The following RAI1 variants were observed in gnomAD, a reference collection of about 807,000 sequenced individuals.
The protein encoded by RAI1 is retinoic acid-induced protein 1.
A neutral mutation model predicts 123.8 loss-of-function variants in RAI1; 9 were observed. The ratio of observed to expected loss-of-function variants is 0.07; its 90% CI spans 0.04 to 0.13. The LOEUF is 0.13. RAI1 is among the 10% of genes least tolerant of loss of function. The pLI is 1.00. For missense variants in RAI1, 2,256 were observed against 2,545.8 expected (o/e 0.89, Z 2.45); for synonymous variants, 1,231 against 1,127.3 (o/e 1.09, Z -1.84).
At chr17:17,731,423 TG>T (rs1598041367) in intron 2 of RAI1, among the ~76,000 whole-genome samples, 1 of 152,124 alleles carries the variant, frequency 6.6e-6, no homozygotes, top group South Asian at 2.1e-4. Context: ...CCTGGGGGTG[TG>T]GGTGGCGAGC....
chr17:17,684,709 T>A (rs1914571370), intron 1 of RAI1: 1 of 119,544 alleles, frequency 8.4e-6, no homozygotes, highest in Non-Finnish European at 1.6e-5. Flanking sequence ...TATATATATG[T>A]ATGTATGTAT....
At chr17:17,697,265 T>G (rs7224617) in intron 1 of RAI1, among the ~76,000 whole-genome samples, 81,056 of 152,156 alleles carry the variant, frequency 0.53, 23,306 homozygotes, top group African/African-American at 0.73. Context: ...CAGAACAGCA[T>G]CTGGATTTAC....
At chr17:17,779,271 T>C (rs1177721140) in intron 2 of RAI1, 1 of 302,314 alleles carries the variant, frequency 3.3e-6, no homozygotes, top group Non-Finnish European at 6.5e-6. Context: ...GTCAGCAGAC[T>C]GCGTGTCTGG....
At chr17:17,699,634 G>A (rs544999751) in intron 1 of RAI1, among the ~76,000 whole-genome samples, 13 of 149,824 alleles carry the variant, frequency 8.7e-5, no homozygotes, top group South Asian at 4.2e-4. Flanking sequence ...GGGGCCGGGG[G>A]GGGGGGAATC....
chr17:17,804,173 GAA>G (rs2032551789), intron 4 of RAI1: 1 of 413,516 alleles, frequency 2.4e-6, no homozygotes, highest in African/African-American at 2.0e-5. Flanking sequence ...GCCTCAGAGA[GAA>G]AGGGGTATTG....
At chr17:17,802,347 C>T (rs951905607) in intron 3 of RAI1, among the ~76,000 whole-genome samples, 6 of 152,204 alleles carry the variant, frequency 3.9e-5, no homozygotes, top group African/African-American at 1.4e-4. Context: ...ACAGTCCCAG[C>T]CTAGCTTCAA....
intron 2 of RAI1, among the ~76,000 whole-genome samples, chr17:17,741,424 T>C (rs1270800626): frequency 2.0e-5 from 3 of 152,200 alleles, no homozygotes; most frequent in African/African-American, 7.2e-5. Context: ...ACGGGGCCCT[T>C]GTTCATGAGT....
At position 17,800,496 on chromosome 17, in the gene RAI1, G is replaced by A. The variant is rs1051676274; in HGVS notation, c.5565+1983G>A. ...GCCGAAGGGAGGAGGGGTCAGCCCC[G>A]AGCACCGACCACCCCATCCTGTCCC... On this transcript the variant is annotated intron_variant, in intron 3 of 5. Coordinates refer to ENST00000353383, the MANE Select transcript of RAI1 (RefSeq NM_030665.4). The surrounding 1 kb of genome is among the most constrained non-coding windows in gnomAD (Gnocchi z 4.7). Among the ~76,000 whole-genome samples, 1 of 152,282 alleles carries A rather than the reference G, an allele frequency of 6.6e-6. No individual in the cohort carries two copies. The highest frequency in any genetic ancestry group is 1.9e-4 in the East Asian group (1 of 5,172).
chr17:17,709,946 T>G (rs1218811397), intron 1 of RAI1, among the ~76,000 whole-genome samples: 1 of 152,174 alleles, frequency 6.6e-6, no homozygotes, highest in East Asian at 1.9e-4. Flanking sequence ...GCTAGCCCTG[T>G]GGCGGCGCAC....
At chr17:17,753,113 C>T (rs1297273260) in intron 2 of RAI1, among the ~76,000 whole-genome samples, 1 of 152,178 alleles carries the variant, frequency 6.6e-6, no homozygotes, top group African/African-American at 2.4e-5. Context: ...TGGCCTGGAC[C>T]CCAGGCCCGA....
intron 1 of RAI1, among the ~76,000 whole-genome samples, chr17:17,697,256 A>G (rs1915070183): frequency 1.3e-5 from 2 of 152,364 alleles, no homozygotes; most frequent in Non-Finnish European, 2.9e-5. Flanking sequence ...GCCCTGTATC[A>G]GAACAGCATC....
At chr17:17,762,105 A>G (rs1254246004) in intron 2 of RAI1, among the ~76,000 whole-genome samples, 1 of 152,166 alleles carries the variant, frequency 6.6e-6, no homozygotes, top group Non-Finnish European at 1.5e-5. Flanking sequence ...ATGCCCTGAC[A>G]AGACAGATGG....
chr17:17,720,268 A>G (rs1295322990), intron 1 of RAI1, among the ~76,000 whole-genome samples: 2 of 152,220 alleles, frequency 1.3e-5, no homozygotes, highest in Non-Finnish European at 1.5e-5. Context: ...AAGGGCTGAC[A>G]TGTCCAGACC....
At chr17:17,806,025 T>G (rs2032587252) in intron 4 of RAI1, among the ~76,000 whole-genome samples, 1 of 152,232 alleles carries the variant, frequency 6.6e-6, no homozygotes, top group South Asian at 2.1e-4. Context: ...TCCTATGTTC[T>G]TTCTCCTACC....
rs1444974149 is a variant in RAI1, at chr17:17,685,596, A to T, written c.-149+3803A>T. ...GGCTCAGAAAGAATGGTGGCGGAAG[A>T]GGTTGGGCTGTTGCTGGGACCTCCT... On this transcript the variant is annotated intron_variant, in intron 1 of 5. Coordinates refer to ENST00000353383, the MANE Select transcript of RAI1 (RefSeq NM_030665.4). The surrounding 1 kb of genome is among the most constrained non-coding windows in gnomAD (Gnocchi z 4.0). Among the ~76,000 whole-genome samples, 21 of 152,176 alleles carry T rather than the reference A, an allele frequency of 1.4e-4. No individual in the cohort carries two copies. The highest frequency in any genetic ancestry group is 1.4e-3 in the Admixed American group (21 of 15,276).
At chr17:17,773,997 ATTAC>A (rs1017615198) in intron 2 of RAI1, among the ~76,000 whole-genome samples, 58 of 152,202 alleles carry the variant, frequency 3.8e-4, no homozygotes, top group African/African-American at 1.3e-3. Flanking sequence ...CAGGTAAGTA[ATTAC>A]TTACCTACTA....
intron 2 of RAI1, among the ~76,000 whole-genome samples, chr17:17,765,370 A>AGG (rs2030883722): frequency 6.6e-6 from 1 of 152,208 alleles, no homozygotes; most frequent in Non-Finnish European, 1.5e-5. Flanking sequence ...GCCCAGCCCT[A>AGG]GGGCTCCTCC....
chr17:17,803,984 CT>C, intron 4 of RAI1, 135 bp downstream of exon 4: 1 of 880,426 alleles, frequency 1.1e-6, no homozygotes, highest in Non-Finnish European at 1.9e-6. Flanking sequence ...CCCAGCAATT[CT>C]TTTATCCTTC....
chr17:17,722,434 C>G (rs998705857), intron 1 of RAI1, among the ~76,000 whole-genome samples: 2 of 152,208 alleles, frequency 1.3e-5, no homozygotes, highest in Non-Finnish European at 2.9e-5. Context: ...CCCCAGGGCT[C>G]TGGAGCGGCT....
Sources: gnomAD v4.1 joint callset for allele counts (sites outside exome capture counted in the v4.1 genomes callset) on GRCh38, gnomAD v4.1.1 for gene constraint, Gnocchi (gnomAD v3.1) non-coding constraint, MANE v1.5 for transcripts, NCBI Gene and HGNC (gene_info 2026-07-23, HGNC 2026-07-21) for gene names.